The following GPHN variants were observed in gnomAD, a reference collection of about 807,000 sequenced individuals.
GPHN encodes gephyrin.
A neutral mutation model predicts 95.5 loss-of-function variants in GPHN; 17 were observed. That is an observed-to-expected ratio of 0.18 (90% confidence interval 0.12 to 0.27). The LOEUF (loss-of-function observed/expected upper bound fraction) is 0.27. Ranked by LOEUF, GPHN falls within the 10% of genes least tolerant of loss-of-function variation. The pLI, the probability that GPHN is intolerant of heterozygous loss-of-function variation, is 1.00. For missense variants in GPHN, 660 were observed against 978.1 expected, an observed-to-expected ratio of 0.67 and a Z score of 4.34; for synonymous variants, 320 against 322.5, an observed-to-expected ratio of 0.99 and a Z score of 0.08.
chr14:66,869,542 A>G (rs75128880), intron 4 of GPHN, among the ~76,000 whole-genome samples: 2,055 of 152,206 alleles, frequency 0.014, 14 homozygotes, highest in Non-Finnish European at 0.023. Context: ...TCAGTATTCT[A>G]CTTCCTACGT....
chr14:67,437,732 G>A, the GPHN span, among the ~76,000 whole-genome samples: 1 of 152,090 alleles, frequency 6.6e-6, no homozygotes, highest in African/African-American at 2.4e-5. Flanking sequence ...GGGCTGGAGT[G>A]AGGAAGAGGA....
At chr14:67,459,795 G>A in the GPHN span, among the ~76,000 whole-genome samples, 2 of 152,342 alleles carry the variant, frequency 1.3e-5, no homozygotes, top group Middle Eastern at 3.4e-3. Flanking sequence ...TGCCTGGAAA[G>A]ACAATCTCCC....
intron 1 of GPHN, among the ~76,000 whole-genome samples, chr14:66,645,435 C>T (rs946174831): frequency 6.6e-6 from 1 of 151,714 alleles, no homozygotes; most frequent in East Asian, 1.9e-4. Context: ...GTGTGTAATC[C>T]CAGCGCTTTG....
intron 1 of GPHN, among the ~76,000 whole-genome samples, chr14:66,642,932 G>A (rs2064509356): frequency 7.6e-6 from 1 of 131,160 alleles, no homozygotes; most frequent in South Asian, 2.4e-4. Context: ...TTGGGTTAGG[G>A]AAAGATTTCT....
intron 1 of GPHN, among the ~76,000 whole-genome samples, chr14:66,613,639 A>G (rs1489362631): frequency 6.6e-6 from 1 of 152,082 alleles, no homozygotes; most frequent in Non-Finnish European, 1.5e-5. Flanking sequence ...TTAGGAGGTG[A>G]ATTCACAAAT....
chr14:66,835,937 A>C (rs1380861770), intron 4 of GPHN, among the ~76,000 whole-genome samples: 26 of 146,690 alleles, frequency 1.8e-4, no homozygotes, highest in Middle Eastern at 3.2e-3. Context: ...TCAAGGAAAT[A>C]AAAGAGGATA....
chr14:67,304,761 G>C, the GPHN span, among the ~76,000 whole-genome samples: 1 of 152,120 alleles, frequency 6.6e-6, no homozygotes, highest in African/African-American at 2.4e-5. Flanking sequence ...CCATCCAATT[G>C]TGTACATGAG....
chr14:67,224,624 A>AT, the GPHN span: 7 of 300,804 alleles, frequency 2.3e-5, no homozygotes, highest in Admixed American at 4.8e-5. Context: ...TTAACTTTTA[A>AT]ATTTTTTTTT....
the GPHN span, chr14:67,336,688 T>C: frequency 1.3e-4 from 58 of 455,750 alleles, no homozygotes; most frequent in African/African-American, 1.1e-3. Context: ...TGTCAAAGTC[T>C]CAATTTCCTC....
chr14:66,896,528 C>T (rs940379262), intron 5 of GPHN, among the ~76,000 whole-genome samples: 5 of 152,168 alleles, frequency 3.3e-5, no homozygotes, highest in South Asian at 2.1e-4. Context: ...GAAAGAATCA[C>T]CTGAGCCTAG....
At chr14:67,190,068 A>AT in the GPHN span, among the ~76,000 whole-genome samples, 1,992 of 115,392 alleles carry the variant, frequency 0.017, 41 homozygotes, top group South Asian at 0.039. Context: ...TGCCCAGCTA[A>AT]TTTTTTTTTT....
chr14:67,286,046 G>T, the GPHN span, among the ~76,000 whole-genome samples: 1 of 152,150 alleles, frequency 6.6e-6, no homozygotes, highest in African/African-American at 2.4e-5. Context: ...AATCAGGTAA[G>T]AGGAAATAGC....
At chr14:67,422,651 C>G in the GPHN span, among the ~76,000 whole-genome samples, 1 of 152,314 alleles carries the variant, frequency 6.6e-6, no homozygotes, top group South Asian at 2.1e-4. Flanking sequence ...AACTTCTTCT[C>G]TCATACATGG....
intron 1 of GPHN, among the ~76,000 whole-genome samples, chr14:66,645,905 A>C (rs2064720675): frequency 6.6e-6 from 1 of 152,064 alleles, no homozygotes; most frequent in Non-Finnish European, 1.5e-5. Flanking sequence ...GTATGTACAG[A>C]GTCACTCTAC....
At chr14:66,924,113 T>G (rs1047565676) in intron 7 of GPHN, 81 bp from the exon 8 acceptor site, 9 of 800,938 alleles carry the variant, frequency 1.1e-5, no homozygotes, top group Non-Finnish European at 2.0e-5. Flanking sequence ...TTTTTACCTT[T>G]TTTCCTTTTT....
chr14:66,808,202 G>C (rs1364303670), intron 3 of GPHN, among the ~76,000 whole-genome samples: 1 of 152,064 alleles, frequency 6.6e-6, no homozygotes, highest in Non-Finnish European at 1.5e-5. Context: ...GCCTGTTTAA[G>C]TCTTTTCTAC....
chr14:67,209,903 C>T, the GPHN span, among the ~76,000 whole-genome samples: 5 of 151,392 alleles, frequency 3.3e-5, no homozygotes, highest in African/African-American at 1.2e-4. Context: ...GTAAGGGATC[C>T]AATTAACAAA....
chr14:67,352,812 T>C, the GPHN span: 3 of 714,796 alleles, frequency 4.2e-6, no homozygotes, highest in South Asian at 6.0e-5. Context: ...ATGGTATTTT[T>C]ACTTTTGAAA....
chr14:67,323,903 G>C, the GPHN span: 2 of 680,530 alleles, frequency 2.9e-6, no homozygotes, highest in Non-Finnish European at 5.0e-6. Flanking sequence ...AGCTACATTA[G>C]CTTGAGCTTT....
Sources: allele counts gnomAD v4.1 joint callset (sites outside exome capture counted in the v4.1 genomes callset), GRCh38; gene constraint gnomAD v4.1.1; transcripts MANE v1.5; gene names NCBI Gene and HGNC (gene_info 2026-07-23, HGNC 2026-07-21).